Variants in KCNRG observed in about 807,000 individuals in gnomAD.
KCNRG encodes the protein potassium channel regulator.
KCNRG carries 17 observed loss-of-function variants against 17.7 expected under a neutral mutation model. The ratio of observed to expected loss-of-function variants is 0.96; its 90% CI spans 0.66 to 1.44. KCNRG has a LOEUF of 1.44. KCNRG is among the 40% of genes most tolerant of loss of function. The probability of loss-of-function intolerance (pLI) is 0.00; values close to 1 mark genes in which losing one functional copy is unlikely to be tolerated. For synonymous variants in KCNRG, 97 were observed against 116.5 expected, an observed-to-expected ratio of 0.83 and a Z score of 1.08; for missense variants, 311 against 321.1, an observed-to-expected ratio of 0.97 and a Z score of 0.24.
chr13:50,015,883 CA>C lies in KCNRG; in HGVS notation c.394del (p.Thr132GlnfsTer5). 1 of 1,614,132 alleles carries C rather than the reference CA, an allele frequency of 6.2e-7. No individual in the cohort carries two copies. Among genetic ancestry groups the C allele is most frequent in the South Asian group, 1.1e-5 (1 of 91,084 alleles). The stretch of plus-strand genomic sequence containing the variant: ...TTTTCAGGGTGTTTGGCTCTTGCAG[CA>C]AAACAATTGAGATGCTAACAGGGAG... ...AFFRVFGSCS[K>X]TIEMLTGRIT... On this transcript the variant is annotated frameshift_variant, in exon 1 of 2. Coordinates refer to ENST00000312942, the MANE Select transcript of KCNRG (RefSeq NM_173605.2). LOFTEE classifies it high-confidence loss of function.
At position 50,015,956 on chromosome 13, in the gene KCNRG, A is replaced by G. The variant is rs1876496892; in HGVS notation, c.463A>G (p.Asn155Asp). 1 of 1,614,008 alleles carries G rather than the reference A, an allele frequency of 6.2e-7. No individual in the cohort carries two copies. Among genetic ancestry groups the G allele is most frequent in the Admixed American group, 1.7e-5 (1 of 60,002 alleles). ...ACCTTCAGCGCCGACCTGGAATGGT[A>G]ACTTTTTCCCTCCTCAGATGACCTT... ...EQPSAPTWNG[N>D]FFPPQMTLLP... The change falls in exon 1 of 2, where the codon AAC becomes GAC. Residue 155 changes from asparagine (N) to aspartate (D), a missense_variant. Coordinates refer to ENST00000312942, the MANE Select transcript of KCNRG (RefSeq NM_173605.2).
At chr13:50,016,735 A>C (rs2066550) in intron 1 of KCNRG, 8,827 of 166,676 alleles carry the variant, frequency 0.053, 357 homozygotes, top group South Asian at 0.18. Context: ...TGTCACAAAC[A>C]TTTTTCCCCC....
At position 50,020,734 on chromosome 13, in the gene KCNRG, C is replaced by A; in HGVS notation, c.*280C>A. 3.2e-6 allele frequency: 1 copy of A among 316,598 alleles called. No homozygotes were observed. The allele number at this position is 316,598 out of a possible 1,614,324, so 19.6% of individuals were successfully genotyped here. ...TATGAGCCGAGATTGCGCCACTGCA[C>A]ACTAGCTTGGGTGACAGAGGAAGAC... On this transcript the variant is annotated 3_prime_UTR_variant, in exon 2 of 2. Coordinates refer to ENST00000312942, the MANE Select transcript of KCNRG (RefSeq NM_173605.2).
chr13:50,017,437 C>A (rs1876744895), intron 1 of KCNRG: 1 of 167,066 alleles, frequency 6.0e-6, no homozygotes, highest in South Asian at 2.1e-4. Flanking sequence ...CCTGTGTGTA[C>A]ACAGTGCCAA....
rs1421465918 is a variant in KCNRG, at chr13:50,015,656, G to A, written c.163G>A (p.Gly55Ser). 6.2e-7 allele frequency: 1 copy of A among 1,614,002 alleles called. No individual in the cohort carries two copies. Among genetic ancestry groups the A allele is most frequent in the East Asian group, 2.2e-5 (1 of 44,894 alleles). ...TGGCCAGATTTTTGTAGACAGAGAT[G>A]GTGATTTGTTTAGTTTCATCTTAGA... The part of the protein sequence containing the change: ...VGGQIFVDRD[G>S]DLFSFILDFL... The change falls in exon 1 of 2, where the codon GGT (glycine) becomes AGT (serine). Residue 55 changes from glycine (G) to serine (S), a missense_variant. Physicochemically the swap from Gly to Ser is moderately conservative, Grantham distance 56. Transcript: ENST00000312942.
Position 50,015,948 on chromosome 13 carries a change from G to A in KCNRG, c.455G>A (p.Trp152Ter). The change falls in exon 1 of 2, where the codon TGG (tryptophan) becomes TAG (stop). Residue 152 changes from tryptophan (W) to a stop codon, truncating the protein, a stop_gained. Transcript: ENST00000312942. LOFTEE classifies it high-confidence loss of function. ...ACAGAACAACCTTCAGCGCCGACCT[G>A]GAATGGTAACTTTTTCCCTCCTCAG... is the stretch of plus-strand genomic sequence containing the variant. ...VFTEQPSAPT[W>*]NGNFFPPQMT... 10 of 1,614,078 alleles carry A rather than the reference G, an allele frequency of 6.2e-6. No individual in the cohort carries two copies. Among genetic ancestry groups the A allele is most frequent in the Non-Finnish European group, 8.5e-6 (10 of 1,179,958 alleles).
Position 50,015,796 on chromosome 13 carries a change from C to T in KCNRG, c.303C>T (p.Tyr101=). Residue 101 remains tyrosine (Y), a synonymous_variant, in exon 1 of 2, where the codon TAC becomes TAT. Transcript: ENST00000312942. ...LRSLVDLLNP[Y]LLQPRPALVE... ...CTCTAGTTGATCTCTTAAACCCATA[C>T]CTGCTACAGCCAAGACCTGCTCTTG... 2.5e-6 allele frequency: 4 copies of T among 1,614,090 alleles called. No homozygotes were observed. The highest frequency in any genetic ancestry group is 3.4e-6 in the Non-Finnish European group (4 of 1,179,982).
Position 50,020,353 on chromosome 13 carries a change from T to A in KCNRG, c.718T>A (p.Tyr240Asn). ...ATCTTCTGAAGACAAAACTGAATGC[T>A]ATAGCTTTGAAAGGATAAAAAGCCC... The part of the protein sequence containing the change: ...TVSSEDKTEC[Y>N]SFERIKSPEV... Residue 240 changes from tyrosine to asparagine, a missense_variant, in exon 2 of 2, where the codon TAT (tyrosine) becomes AAT (asparagine). Coordinates refer to ENST00000312942, the MANE Select transcript of KCNRG (RefSeq NM_173605.2). 1.2e-6 allele frequency: 2 copies of A among 1,614,118 alleles called. No individual in the cohort carries two copies. Among genetic ancestry groups the A allele is most frequent in the Non-Finnish European group, 1.7e-6 (2 of 1,179,978 alleles).
Position 50,015,714 on chromosome 13 carries a change from C to T in KCNRG, c.221C>T (p.Thr74Ile), listed in dbSNP as rs763989101. 3 of 1,614,078 alleles carry T rather than the reference C, an allele frequency of 1.9e-6. No homozygotes were observed. The highest frequency in any genetic ancestry group is 8.5e-7 in the Non-Finnish European group (1 of 1,179,928). Reference protein sequence around the residue: ...FLRTHQLLLPTEFSDYLRLQR... With the variant: ...FLRTHQLLLPIEFSDYLRLQR... ...AGAACTCACCAGCTTTTATTACCCA[C>T]TGAATTTTCAGACTATCTTAGGCTT... The change falls in exon 1 of 2, where the codon ACT becomes ATT. Residue 74 changes from threonine to isoleucine, a missense_variant. Thr to Ile is a moderately conservative substitution (Grantham distance 89). Transcript: ENST00000312942.
Position 50,020,380 on chromosome 13 carries a change from G to A in KCNRG, c.745G>A (p.Glu249Lys). The stretch of plus-strand genomic sequence containing the variant: ...TAGCTTTGAAAGGATAAAAAGCCCT[G>A]AAGTGCTCATCACGAATGAAACACC... The part of the protein sequence containing the change: ...CYSFERIKSP[E>K]VLITNETPKP... The change falls in exon 2 of 2, where the codon GAA becomes AAA. Residue 249 changes from glutamate (E) to lysine (K), a missense_variant. Coordinates refer to ENST00000312942, the MANE Select transcript of KCNRG (RefSeq NM_173605.2). 2 of 1,613,980 alleles carry A rather than the reference G, an allele frequency of 1.2e-6. No individual in the cohort carries two copies. Among genetic ancestry groups the A allele is most frequent in the Non-Finnish European group, 1.7e-6 (2 of 1,179,840 alleles).
chr13:50,020,496 G>T lies in KCNRG; in HGVS notation c.*42G>T. 6.3e-7 allele frequency: 1 copy of T among 1,590,578 alleles called. No individual in the cohort carries two copies. Among genetic ancestry groups the T allele is most frequent in the East Asian group, 2.2e-5 (1 of 44,710 alleles). On this transcript the variant is annotated 3_prime_UTR_variant, in exon 2 of 2. Coordinates refer to ENST00000312942, the MANE Select transcript of KCNRG (RefSeq NM_173605.2). ...TTAAAGAGAAATTGCCATTTTTCTT[G>T]TTTCATTACGTATTTAGGGCATACA... is the stretch of plus-strand genomic sequence containing the variant.
At chr13:50,016,962 C>T (rs1323386229) in intron 1 of KCNRG, 1 of 166,314 alleles carries the variant, frequency 6.0e-6, no homozygotes, top group Non-Finnish European at 1.5e-5. Flanking sequence ...TCTCTCTTAG[C>T]GACACACTCC....
chr13:50,016,157 C>CTCA, intron 1 of KCNRG, 86 bp downstream of exon 1: 1 of 850,176 alleles, frequency 1.2e-6, no homozygotes, highest in Non-Finnish European at 1.8e-6. Context: ...CCTGTAACTT[C>CTCA]TGGAAAAGAT....
At chr13:50,018,869 T>C (rs570762216) in intron 1 of KCNRG, 1 of 158,806 alleles carries the variant, frequency 6.3e-6, no homozygotes, top group South Asian at 1.5e-4. Context: ...CCTCCGCCTC[T>C]GGGGTTCAAG....
intron 1 of KCNRG, chr13:50,017,289 G>A (rs1876726337): frequency 6.0e-6 from 1 of 167,000 alleles, no homozygotes; most frequent in African/African-American, 2.4e-5. Flanking sequence ...AGACAAAACT[G>A]TCATTGATTT....
Position 50,015,988 on chromosome 13 carries a change from A to G in KCNRG, c.495A>G (p.Pro165=), listed in dbSNP as rs747693672. 20 of 1,614,052 alleles carry G rather than the reference A, an allele frequency of 1.2e-5. No individual in the cohort carries two copies. In the South Asian group the frequency reaches 2.1e-4, roughly 17 times the overall value. ...TCCCTCCTCAGATGACCTTACTTCC[A>G]CTGCCTCCACAAAGACCTTCTTACC... ...NFFPPQMTLL[P]LPPQRPSYHD... Residue 165 remains proline (P), a synonymous_variant, in exon 1 of 2, where the codon CCA becomes CCG. Coordinates refer to ENST00000312942, the MANE Select transcript of KCNRG (RefSeq NM_173605.2).
In KCNRG at chr13:50,016,931, C is replaced by T. The variant is rs569685901; in HGVS notation, c.578+860C>T. The T allele has an allele frequency of 1.2e-3, 197 of 165,514 alleles. 3 individuals carry two copies. Among genetic ancestry groups the T allele is most frequent in the South Asian group, 7.1e-3 (34 of 4,788 alleles). The allele number at this position is 165,514 out of a possible 1,614,324, so 10.3% of individuals were successfully genotyped here. A position where few individuals can be genotyped will look rare whatever the true frequency, so the allele number is the denominator to read the frequency against. On this transcript the variant is annotated intron_variant, in intron 1 of 1. Coordinates refer to ENST00000312942, the MANE Select transcript of KCNRG (RefSeq NM_173605.2). ...TTTTCTTAACTTGAGCAGTAGCCAACAGGAAGGATACCAGTGTCTCTCTCT... is the reference window on the plus strand; with the variant it reads ...TTTTCTTAACTTGAGCAGTAGCCAATAGGAAGGATACCAGTGTCTCTCTCT...
intron 1 of KCNRG, chr13:50,016,287 G>C (rs2066549): frequency 0.22 from 108,198 of 480,998 alleles, 13,972 homozygotes; most frequent in East Asian, 0.4. Context: ...GGGACAAAAG[G>C]AATAAATGAA....
Position 50,020,732 on chromosome 13 carries a change from C to A in KCNRG, c.*278C>A. On this transcript the variant is annotated 3_prime_UTR_variant, in exon 2 of 2. Coordinates refer to ENST00000312942, the MANE Select transcript of KCNRG (RefSeq NM_173605.2). ...CTTATGAGCCGAGATTGCGCCACTG[C>A]ACACTAGCTTGGGTGACAGAGGAAG... 3.1e-6 allele frequency: 1 copy of A among 322,046 alleles called. No individual in the cohort carries two copies. Among genetic ancestry groups the A allele is most frequent in the Non-Finnish European group, 5.8e-6 (1 of 171,650 alleles). 19.9% of individuals were successfully genotyped at this position (322,046 alleles called of 1,614,324 possible). A position where few individuals can be genotyped will look rare whatever the true frequency, so the allele number is the denominator to read the frequency against.
Sources: gnomAD v4.1 joint callset for allele counts on GRCh38, gnomAD v4.1.1 for gene constraint, MANE v1.5 for transcripts, NCBI Gene and HGNC (gene_info 2026-07-23, HGNC 2026-07-21) for gene names.